The following PDE4B variants were observed in gnomAD, a reference collection of about 807,000 sequenced individuals.
PDE4B encodes the protein phosphodiesterase 4B.
Under a neutral mutation model 82.2 loss-of-function variants are expected in PDE4B, and 20 were observed. That is an observed-to-expected ratio of 0.24 (90% CI 0.17 to 0.35). PDE4B has a LOEUF of 0.35. PDE4B is among the 10% of genes least tolerant of loss of function. PDE4B has a pLI of 1.00. For missense variants in PDE4B, 655 were observed against 907.2 expected (o/e 0.72, Z 3.57); for synonymous variants, 320 against 318.9 (o/e 1.00, Z -0.04).
chr1:65,825,712 A>G (rs566719052), intron 1 of PDE4B, among the ~76,000 whole-genome samples: 346 of 131,850 alleles, frequency 2.6e-3, no homozygotes, highest in African/African-American at 0.01. Context: ...TTACCTATCT[A>G]TCTATCTATC....
chr1:66,144,578 C>A (rs957051884), intron 3 of PDE4B, among the ~76,000 whole-genome samples: 2 of 152,174 alleles, frequency 1.3e-5, no homozygotes, highest in African/African-American at 2.4e-5. Flanking sequence ...ATTAACATGA[C>A]ACTCAAAGGG....
intron 3 of PDE4B, among the ~76,000 whole-genome samples, chr1:65,991,608 C>T (rs895748356): frequency 6.6e-6 from 1 of 152,124 alleles, no homozygotes; most frequent in Admixed American, 6.6e-5. Flanking sequence ...CTTCAAGCAC[C>T]ACTATATTGT....
rs189211808 is a variant in PDE4B at position 65,890,138 on chromosome 1, T to C, written c.-70-23107T>C. Reference sequence around the variant, plus strand: ...CTGCAATTTAAAGCTTGACAAATTTTTTTTTTTTTCCTAACTGGCAAAATC... The same window carrying C: ...CTGCAATTTAAAGCTTGACAAATTTCTTTTTTTTTCCTAACTGGCAAAATC... On this transcript the variant is annotated intron_variant, in intron 1 of 16. Transcript: ENST00000341517. 4.4e-3 allele frequency among the ~76,000 whole-genome samples: 676 copies of C among 152,116 alleles called. 6 individuals carry two copies. The highest frequency in any genetic ancestry group is 0.016 in the African/African-American group (648 of 41,522).
At chr1:65,985,277 T>C (rs1485961425) in intron 3 of PDE4B, among the ~76,000 whole-genome samples, 1 of 152,198 alleles carries the variant, frequency 6.6e-6, no homozygotes, top group Non-Finnish European at 1.5e-5. Flanking sequence ...CTCTGCATAT[T>C]GTTCTTTTTT....
chr1:66,323,101 A>G (rs1659519716), intron 7 of PDE4B, among the ~76,000 whole-genome samples: 1 of 152,120 alleles, frequency 6.6e-6, no homozygotes, highest in Non-Finnish European at 1.5e-5. Context: ...TGGCTGGGCC[A>G]CTCCTTTGAA....
chr1:65,978,201 T>C (rs1358139856), intron 3 of PDE4B, among the ~76,000 whole-genome samples: 1 of 150,230 alleles, frequency 6.7e-6, no homozygotes, highest in Non-Finnish European at 1.5e-5. Flanking sequence ...GTAATTTTTG[T>C]ATTTTTAGTA....
At chr1:66,327,720 A>C (rs1659837171) in intron 7 of PDE4B, among the ~76,000 whole-genome samples, 1 of 152,228 alleles carries the variant, frequency 6.6e-6, no homozygotes, top group Non-Finnish European at 1.5e-5. Context: ...GAACCATACC[A>C]GGTCTTCTGA....
At chr1:66,350,967 G>C (rs953519587) in intron 8 of PDE4B, among the ~76,000 whole-genome samples, 1 of 152,010 alleles carries the variant, frequency 6.6e-6, no homozygotes, top group Non-Finnish European at 1.5e-5. Context: ...ACTATTAAAG[G>C]AACTTATTCC....
chr1:66,151,505 C>T (rs1646393334), intron 3 of PDE4B, among the ~76,000 whole-genome samples: 1 of 152,108 alleles, frequency 6.6e-6, no homozygotes, highest in Non-Finnish European at 1.5e-5. Flanking sequence ...TATTCAAATT[C>T]CCAGAAATAA....
intron 1 of PDE4B, among the ~76,000 whole-genome samples, chr1:65,909,318 T>G (rs1172987909): frequency 6.6e-6 from 1 of 152,208 alleles, no homozygotes; most frequent in Non-Finnish European, 1.5e-5. Flanking sequence ...TGCATGGTTT[T>G]GTCTAGCATG....
At chr1:65,892,420 A>T (rs1419945416) in intron 1 of PDE4B, among the ~76,000 whole-genome samples, 1 of 152,116 alleles carries the variant, frequency 6.6e-6, no homozygotes, top group Non-Finnish European at 1.5e-5. Context: ...TTTTACTGTT[A>T]AAGGGAATCA....
chr1:65,894,780 A>G (rs1646890939), intron 1 of PDE4B, among the ~76,000 whole-genome samples: 1 of 152,188 alleles, frequency 6.6e-6, no homozygotes. Flanking sequence ...CAACATTGTT[A>G]GTTCTTAGGG....
intron 3 of PDE4B, among the ~76,000 whole-genome samples, chr1:65,993,366 G>A (rs1478856223): frequency 1.3e-5 from 2 of 152,158 alleles, no homozygotes; most frequent in Non-Finnish European, 2.9e-5. Flanking sequence ...TTTAACTGTA[G>A]AGTCTTTAAA....
intron 1 of PDE4B, among the ~76,000 whole-genome samples, chr1:65,810,296 T>C (rs1344122078): frequency 6.6e-6 from 1 of 152,244 alleles, no homozygotes; most frequent in East Asian, 1.9e-4. Flanking sequence ...AGGTAACTAA[T>C]ATTTATTGAG....
At chr1:65,980,087 C>T (rs992828769) in intron 3 of PDE4B, among the ~76,000 whole-genome samples, 3 of 151,994 alleles carry the variant, frequency 2.0e-5, no homozygotes, top group Non-Finnish European at 4.4e-5. Context: ...TGTGAGTCGC[C>T]ATGAGACGGG....
At chr1:66,075,612 A>G (rs1656387294) in intron 3 of PDE4B, among the ~76,000 whole-genome samples, 2 of 152,014 alleles carry the variant, frequency 1.3e-5, no homozygotes, top group Non-Finnish European at 2.9e-5. Flanking sequence ...TTTAGGAAAG[A>G]TCTTATCTAG....
intron 6 of PDE4B, among the ~76,000 whole-genome samples, chr1:66,259,576 C>T (rs1478309479): frequency 6.6e-6 from 1 of 152,156 alleles, no homozygotes; most frequent in Admixed American, 6.5e-5. Context: ...CCTCACCAAA[C>T]CTGGCTGAGT....
chr1:66,324,063 T>C (rs1011864169), intron 7 of PDE4B, among the ~76,000 whole-genome samples: 2 of 152,112 alleles, frequency 1.3e-5, no homozygotes, highest in African/African-American at 4.8e-5. Context: ...AAAGGCAGAG[T>C]TCTGGAGAGC....
chr1:66,185,004 A>C (rs1647154161), intron 3 of PDE4B, among the ~76,000 whole-genome samples: 4 of 150,864 alleles, frequency 2.7e-5, no homozygotes, highest in Admixed American at 6.6e-5. Context: ...CCCACCCCAC[A>C]ACAGGCCCTG....
Sources: gnomAD v4.1 joint callset for allele counts (sites outside exome capture counted in the v4.1 genomes callset) on GRCh38, gnomAD v4.1.1 for gene constraint, MANE v1.5 for transcripts, NCBI Gene and HGNC (gene_info 2026-07-23, HGNC 2026-07-21) for gene names.